Variants in COL5A1 observed in about 807,000 individuals in gnomAD.
COL5A1 encodes the protein collagen alpha-1(V) chain.
Under a neutral mutation model 263.7 loss-of-function variants are expected in COL5A1, and 16 were observed. That is an observed-to-expected ratio of 0.06 (90% CI 0.04 to 0.09). The LOEUF (loss-of-function observed/expected upper bound fraction) is 0.09, where lower values mean the gene tolerates loss of function less well. Among genes scored for constraint, COL5A1 ranks in the 10% least tolerant of loss-of-function variants. COL5A1 has a pLI of 1.00. For synonymous variants in COL5A1, 1,012 were observed against 1,004.5 expected, an observed-to-expected ratio of 1.01 and a Z score of -0.14; for missense variants, 2,036 against 2,540.5, an observed-to-expected ratio of 0.80 and a Z score of 4.27.
At position 134,708,642 on chromosome 9, in the gene COL5A1, G is replaced by A. The variant is rs759417067; in HGVS notation, c.654+7309G>A. ...GCAGCGGAACACCAGCAGGTGAAGG[G>A]CAGAGGCCCCTTGTCGTGTCTTCAG... On this transcript the variant is annotated intron_variant, in intron 4 of 65. Coordinates refer to ENST00000371817, the MANE Select transcript of COL5A1 (RefSeq NM_000093.5). 3 of 518,846 alleles carry A rather than the reference G, an allele frequency of 5.8e-6. No homozygotes were observed. The East Asian group carries it at 1.6e-4, about 28-fold the overall frequency. 32.1% of individuals were successfully genotyped at this position (518,846 alleles called of 1,614,324 possible).
At chr9:134,712,768 CT>C (rs1286783617) in intron 4 of COL5A1, among the ~76,000 whole-genome samples, 1 of 151,486 alleles carries the variant, frequency 6.6e-6, no homozygotes, top group Non-Finnish European at 1.5e-5. Context: ...CCTGGTGCTT[CT>C]CATGTTCAAC....
In COL5A1 at chr9:134,727,295, G is replaced by A. The variant is rs139705205; in HGVS notation, c.684G>A (p.Ser228=). ...EGDIQQLLFV[S]DHRAAYDYCE... is the part of the protein sequence containing the mutation. ...ACATCCAGCAGCTGCTCTTTGTCTCGGACCACCGGGCAGCTTATGATTACT... is the reference window on the plus strand; with the variant it reads ...ACATCCAGCAGCTGCTCTTTGTCTCAGACCACCGGGCAGCTTATGATTACT... Residue 228 remains serine (S), a synonymous_variant, in exon 5 of 66, where the codon TCG becomes TCA. Transcript: ENST00000371817. The A allele has an allele frequency of 3.5e-5, 56 of 1,613,682 alleles. No individual in the cohort carries two copies. The highest frequency in any genetic ancestry group is 1.7e-4 in the Admixed American group (10 of 59,948).
In COL5A1 at chr9:134,716,537, GGTGGCGA is replaced by G. The variant is rs1462901106; in HGVS notation, c.655-10726_655-10720del. ...GCCTTTGTGAGGTCACCACCCTTTG[GGTGGCGA>G]GTCTTTGAGGAGGTGAACCCCCACC... On this transcript the variant is annotated intron_variant, in intron 4 of 65. Coordinates refer to ENST00000371817, the MANE Select transcript of COL5A1 (RefSeq NM_000093.5). This position sits in a 1 kb window ranked among gnomAD's most constrained non-coding sequence, Gnocchi z 4.5. 2.6e-5 allele frequency among the ~76,000 whole-genome samples: 4 copies of G among 152,208 alleles called. No individual in the cohort carries two copies. The highest frequency in any genetic ancestry group is 9.6e-5 in the African/African-American group (4 of 41,464).
At chr9:134,760,622 C>A (rs1358785037) in intron 18 of COL5A1, among the ~76,000 whole-genome samples, 1 of 127,064 alleles carries the variant, frequency 7.9e-6, no homozygotes, top group African/African-American at 3.3e-5. Context: ...CACACACACA[C>A]CCACACACCC....
chr9:134,818,473 G>A lies in COL5A1; in HGVS notation c.4231-183G>A, dbSNP rs73664150. 0.046 allele frequency among the ~76,000 whole-genome samples: 7,032 copies of A among 152,230 alleles called. 277 individuals are homozygous for A. Among genetic ancestry groups the A allele is most frequent in the African/African-American group, 0.1 (4,324 of 41,518 alleles). On this transcript the variant is annotated intron_variant, in intron 54 of 65. Coordinates refer to ENST00000371817, the MANE Select transcript of COL5A1 (RefSeq NM_000093.5). The surrounding 1 kb of genome is among the most constrained non-coding windows in gnomAD (Gnocchi z 6.0). ...ATCCCTGCTGGCCTGGGAGATGATC[G>A]GGATGGAGACTTGACCAGGGCAGCT...
chr9:134,793,967 A>G (rs1837807163), intron 32 of COL5A1, among the ~76,000 whole-genome samples: 2 of 152,240 alleles, frequency 1.3e-5, no homozygotes, highest in South Asian at 2.1e-4. Flanking sequence ...TGAATGAAAG[A>G]TGATGAGCGG....
intron 32 of COL5A1, among the ~76,000 whole-genome samples, chr9:134,792,862 T>C (rs1320207110): frequency 3.2e-5 from 1 of 31,348 alleles, no homozygotes; most frequent in East Asian, 4.6e-4. Flanking sequence ...CACACGTGTG[T>C]GTGCGCGCGT....
At position 134,696,651 on chromosome 9, in the gene COL5A1, G is replaced by T. The variant is rs1409340681; in HGVS notation, c.278-3258G>T. Among the ~76,000 whole-genome samples the T allele has an allele frequency of 6.6e-6, 1 of 152,222 alleles. No homozygotes were observed. The highest frequency in any genetic ancestry group is 1.5e-5 in the Non-Finnish European group (1 of 68,050). ...TTTATTGATCACGTGATCCACTGTA[G>T]TGAGCAATCGGTATGCTTAGTAACT... On this transcript the variant is annotated intron_variant, in intron 2 of 65. Transcript: ENST00000371817. This position sits in a 1 kb window ranked among gnomAD's most constrained non-coding sequence, Gnocchi z 4.3.
intron 11 of COL5A1, among the ~76,000 whole-genome samples, chr9:134,746,310 G>C (rs1336730173): frequency 6.6e-6 from 1 of 152,202 alleles, no homozygotes; most frequent in African/African-American, 2.4e-5. Flanking sequence ...CTCTTTCCGA[G>C]AGTGGAAGGG....
Position 134,647,575 on chromosome 9 carries a change from C to T in COL5A1, c.109+5279C>T. On this transcript the variant is annotated intron_variant, in intron 1 of 65. Coordinates refer to ENST00000371817, the MANE Select transcript of COL5A1 (RefSeq NM_000093.5). The surrounding 1 kb of genome is among the most constrained non-coding windows in gnomAD (Gnocchi z 5.0). ...TGCAGGGCCTGGTGTGTTTGAGGAG[C>T]TCGTGGCAGGGCGACGTTTCTCTCC... is the stretch of plus-strand genomic sequence containing the variant. 1.3e-5 allele frequency among the ~76,000 whole-genome samples: 2 copies of T among 152,158 alleles called. 1 individual carries two copies. The highest frequency in any genetic ancestry group is 2.9e-5 in the Non-Finnish European group (2 of 68,034).
intron 1 of COL5A1, among the ~76,000 whole-genome samples, chr9:134,683,031 G>A (rs1040737995): frequency 6.6e-6 from 1 of 152,182 alleles, no homozygotes; most frequent in African/African-American, 2.4e-5. Context: ...CCTCAGACCC[G>A]GCTTCCTTCC....
intron 3 of COL5A1, 45 bp from the exon 4 acceptor site, chr9:134,701,126 G>C: frequency 6.2e-7 from 1 of 1,606,818 alleles, no homozygotes; most frequent in South Asian, 1.1e-5. Flanking sequence ...GCTTGAGCTG[G>C]CATCTGTGAT....
Position 134,727,341 on chromosome 9 carries a change from T to C in COL5A1, c.730T>C (p.Cys244Arg). Residue 244 changes from cysteine (C) to arginine (R), a missense_variant, in exon 5 of 66, where the codon TGT becomes CGT. By Grantham distance (180) the Cys-to-Arg change is radical (BLOSUM62 -3). This residue lies in a region of COL5A1 where 600 missense variants were observed against 634.5 expected (regional missense o/e 0.95). Coordinates refer to ENST00000371817, the MANE Select transcript of COL5A1 (RefSeq NM_000093.5). ...YDYCEHYSPD[C>R]DTAVPDTPQS... ...TTACTGTGAGCACTACAGCCCTGAC[T>C]GTGACACCGCAGTACCTGACACCCC... 1 of 1,614,048 alleles carries C rather than the reference T, an allele frequency of 6.2e-7. No individual in the cohort carries two copies. Among genetic ancestry groups the C allele is most frequent in the East Asian group, 2.2e-5 (1 of 44,878 alleles).
At chr9:134,739,000 G>A (rs1169557703) in intron 11 of COL5A1, among the ~76,000 whole-genome samples, 192 bp downstream of exon 11, 1 of 152,206 alleles carries the variant, frequency 6.6e-6, no homozygotes, top group Non-Finnish European at 1.5e-5. Context: ...TGTGGCTATG[G>A]GGAGAGTGGG....
At chr9:134,759,792 C>T (rs1190557309) in intron 18 of COL5A1, among the ~76,000 whole-genome samples, 1 of 124,904 alleles carries the variant, frequency 8.0e-6, no homozygotes, top group Non-Finnish European at 1.7e-5. Context: ...CACACATGCA[C>T]ACACACCACA....
chr9:134,656,230 AG>A (rs1831966657), intron 1 of COL5A1, among the ~76,000 whole-genome samples: 1 of 151,928 alleles, frequency 6.6e-6, no homozygotes, highest in Non-Finnish European at 1.5e-5. Context: ...TGACCAGTTG[AG>A]GGTACTTTGG....
chr9:134,832,384 G>A (rs1319841275), intron 64 of COL5A1, among the ~76,000 whole-genome samples: 1 of 152,064 alleles, frequency 6.6e-6, no homozygotes, highest in African/African-American at 2.4e-5. Flanking sequence ...CCATCCTGGG[G>A]GACAGGGTGA....
In COL5A1 at chr9:134,765,686, A is replaced by T. The variant is rs1287892120; in HGVS notation, c.2040A>T (p.Pro680=). ...TTTTCCCTTTCCTCTTACAGGGGCCACGTGGTCTGCTTGGGCCGAAGGGGC... is the reference window on the plus strand; with the variant it reads ...TTTTCCCTTTCCTCTTACAGGGGCCTCGTGGTCTGCTTGGGCCGAAGGGGC... ...GPRGLPGEPG[P]RGLLGPKGPP... is the part of the protein sequence containing the mutation. The change falls in exon 21 of 66, where the codon CCA becomes CCT. Residue 680 remains proline, a synonymous_variant. Coordinates refer to ENST00000371817, the MANE Select transcript of COL5A1 (RefSeq NM_000093.5). This position sits in a 1 kb window ranked among gnomAD's most constrained non-coding sequence, Gnocchi z 5.1. The T allele has an allele frequency of 1.2e-6, 2 of 1,613,686 alleles. No homozygotes were observed. The highest frequency in any genetic ancestry group is 3.3e-5 in the Admixed American group (2 of 60,002).
intron 2 of COL5A1, among the ~76,000 whole-genome samples, chr9:134,698,735 T>C (rs1045595109): frequency 6.6e-6 from 1 of 152,254 alleles, no homozygotes; most frequent in Non-Finnish European, 1.5e-5. Flanking sequence ...CAGGCGCTGC[T>C]GCCGCAGATC....
Sources: allele counts gnomAD v4.1 joint callset (sites outside exome capture counted in the v4.1 genomes callset), GRCh38; gene constraint gnomAD v4.1.1; regional missense constraint gnomAD v4.1.1; non-coding constraint Gnocchi (gnomAD v3.1); transcripts MANE v1.5; gene names NCBI Gene and HGNC (gene_info 2026-07-23, HGNC 2026-07-21).